ETV6: variants seen among roughly 807,000 people sequenced by gnomAD.
ETV6 encodes the protein transcription factor ETV6.
In ETV6, 16 loss-of-function variants were observed where a neutral mutation model predicts 51.1. That is an observed-to-expected ratio of 0.31 (90% CI 0.21 to 0.48). ETV6 has a LOEUF of 0.48. Among genes scored for constraint, ETV6 ranks in the 20% least tolerant of loss-of-function variants. The pLI is 0.99. For missense variants in ETV6, 458 were observed against 594.8 expected (o/e 0.77, Z 2.39); for synonymous variants, 240 against 224.1 (o/e 1.07, Z -0.64).
intron 4 of ETV6, among the ~76,000 whole-genome samples, chr12:11,867,191 G>A (rs1946801579): frequency 6.6e-6 from 1 of 152,104 alleles, no homozygotes; most frequent in African/African-American, 2.4e-5. Context: ...CCGTAAGAAG[G>A]TTAGTTTGGT....
intron 1 of ETV6, among the ~76,000 whole-genome samples, chr12:11,699,859 C>T (rs1864946186): frequency 6.6e-6 from 1 of 152,126 alleles, no homozygotes; most frequent in South Asian, 2.1e-4. Flanking sequence ...TGCAAATGGG[C>T]CAAGGTCATG....
At chr12:11,804,459 G>A (rs1455765687) in intron 2 of ETV6, among the ~76,000 whole-genome samples, 1 of 151,848 alleles carries the variant, frequency 6.6e-6, no homozygotes, top group Non-Finnish European at 1.5e-5. Context: ...TTCCTCTTCA[G>A]CCACCCTGAT....
intron 1 of ETV6, among the ~76,000 whole-genome samples, chr12:11,699,651 A>G (rs962797443): frequency 2.6e-5 from 4 of 152,164 alleles, no homozygotes; most frequent in African/African-American, 9.7e-5. Context: ...GAGCTTTTTC[A>G]TGGGTGATAG....
At chr12:11,792,514 C>T (rs1945614968) in intron 2 of ETV6, among the ~76,000 whole-genome samples, 1 of 152,070 alleles carries the variant, frequency 6.6e-6, no homozygotes, top group African/African-American at 2.4e-5. Context: ...TGGTGAAACC[C>T]TGTCTCTACT....
intron 2 of ETV6, among the ~76,000 whole-genome samples, chr12:11,757,736 G>A (rs953713641): frequency 2.0e-5 from 3 of 152,176 alleles, no homozygotes; most frequent in Non-Finnish European, 4.4e-5. Context: ...ACTGCTGACC[G>A]CTGAAGTCTG....
At chr12:11,786,734 A>C (rs1286578917) in intron 2 of ETV6, among the ~76,000 whole-genome samples, 1 of 152,170 alleles carries the variant, frequency 6.6e-6, no homozygotes, top group Non-Finnish European at 1.5e-5. Context: ...AAATACATTA[A>C]TTCTTTGCAT....
intron 2 of ETV6, among the ~76,000 whole-genome samples, chr12:11,799,542 G>C (rs1945718802): frequency 6.6e-6 from 1 of 152,106 alleles, no homozygotes; most frequent in Non-Finnish European, 1.5e-5. Context: ...ACCTTCATGT[G>C]ACCCTAAAAG....
intron 5 of ETV6, among the ~76,000 whole-genome samples, chr12:11,875,205 GTCAC>G (rs1432861794): frequency 6.6e-6 from 1 of 152,178 alleles, no homozygotes; most frequent in Admixed American, 6.5e-5. Context: ...TTTTAAAGGT[GTCAC>G]TTACTTTGCA....
chr12:11,708,626 G>GT (rs1288234016), intron 1 of ETV6, among the ~76,000 whole-genome samples: 1 of 152,146 alleles, frequency 6.6e-6, no homozygotes. Context: ...GATGGACATT[G>GT]TTTCATTCTA....
At chr12:11,718,141 C>T (rs1237314702) in intron 1 of ETV6, among the ~76,000 whole-genome samples, 1 of 152,142 alleles carries the variant, frequency 6.6e-6, no homozygotes, top group Non-Finnish European at 1.5e-5. Context: ...AACTAGTGGT[C>T]CAAAGTGGGC....
At chr12:11,848,667 G>T (rs1946502732) in intron 3 of ETV6, among the ~76,000 whole-genome samples, 3 of 152,248 alleles carry the variant, frequency 2.0e-5, no homozygotes, top group South Asian at 4.1e-4. Flanking sequence ...GATTTTATGG[G>T]CCTGAGGCTT....
Position 11,893,631 on chromosome 12 carries a change from C to T in ETV6, c.*2585C>T, listed in dbSNP as rs1033849007. 2.2e-5 allele frequency: 5 copies of T among 231,162 alleles called. No homozygotes were observed. The highest frequency in any genetic ancestry group is 5.6e-5 in the Admixed American group (1 of 17,718). The allele number at this position is 231,162 out of a possible 1,614,324, so 14.3% of individuals were successfully genotyped here. On this transcript the variant is annotated 3_prime_UTR_variant, in exon 8 of 8. Transcript: ENST00000396373. Reference sequence around the variant, plus strand: ...CATGAGTGGAAAATTCCACACCTAACAAACACATTTGCTTTCTTATGGTTC... The same window carrying T: ...CATGAGTGGAAAATTCCACACCTAATAAACACATTTGCTTTCTTATGGTTC...
chr12:11,722,976 C>T (rs931699507), intron 1 of ETV6, among the ~76,000 whole-genome samples: 2 of 152,154 alleles, frequency 1.3e-5, no homozygotes, highest in Non-Finnish European at 2.9e-5. Flanking sequence ...GAGAAGTTCC[C>T]GGTTCCAGGG....
chr12:11,883,276 C>CTTCTTCTTCTTTT (rs776231778), intron 5 of ETV6, among the ~76,000 whole-genome samples: 4 of 79,110 alleles, frequency 5.1e-5, no homozygotes, highest in Non-Finnish European at 8.7e-5. Flanking sequence ...ATGTCTTCTT[C>CTTCTTCTTCTTTT]TTTTTTTTTT....
intron 1 of ETV6, among the ~76,000 whole-genome samples, chr12:11,722,310 G>A (rs1865403219): frequency 6.6e-6 from 1 of 152,136 alleles, no homozygotes; most frequent in South Asian, 2.1e-4. Flanking sequence ...ATGGCCAAAA[G>A]GTGAGCAGCT....
At chr12:11,847,985 G>T (rs959328788) in intron 3 of ETV6, among the ~76,000 whole-genome samples, 1 of 152,168 alleles carries the variant, frequency 6.6e-6, no homozygotes, top group African/African-American at 2.4e-5. Flanking sequence ...GATGTCAACT[G>T]GGGAAAAAAA....
intron 1 of ETV6, among the ~76,000 whole-genome samples, chr12:11,704,508 G>A (rs1311597645): frequency 6.6e-6 from 1 of 151,898 alleles, no homozygotes; most frequent in African/African-American, 2.4e-5. Context: ...CACCACAACC[G>A]GCTAATTTTT....
chr12:11,676,980 G>A (rs530027139), intron 1 of ETV6, among the ~76,000 whole-genome samples: 7 of 152,356 alleles, frequency 4.6e-5, no homozygotes, highest in South Asian at 4.1e-4. Context: ...GTTGTTAGAC[G>A]TTTGCTTATG....
rs554163415 is a variant in ETV6 at position 11,757,495 on chromosome 12, C to G, written c.163+4916C>G. On this transcript the variant is annotated intron_variant, in intron 2 of 7. Coordinates refer to ENST00000396373, the MANE Select transcript of ETV6 (RefSeq NM_001987.5). ...TATTATTTTATATTTTTATACATAA[C>G]AAGATGCGCTCATACTTATTGTCTC... Among the ~76,000 whole-genome samples, 44 of 152,120 alleles carry G rather than the reference C, an allele frequency of 2.9e-4. 1 individual carries two copies. The highest frequency in any genetic ancestry group is 2.7e-3 in the Admixed American group (42 of 15,288).
Sources: allele counts gnomAD v4.1 joint callset (sites outside exome capture counted in the v4.1 genomes callset), GRCh38; gene constraint gnomAD v4.1.1; transcripts MANE v1.5; gene names NCBI Gene and HGNC (gene_info 2026-07-23, HGNC 2026-07-21).